Variants in DCC observed in about 807,000 individuals in gnomAD.
DCC encodes DCC netrin 1 receptor.
In DCC, 58 loss-of-function variants were observed where a neutral mutation model predicts 172.5. The observed-to-expected ratio is 0.34, with a 90% confidence interval of 0.27 to 0.42. The LOEUF is 0.42. DCC is among the 10% of genes least tolerant of loss of function. DCC has a pLI of 1.00. For synonymous variants in DCC, 709 were observed against 644.5 expected (o/e 1.10, Z -1.52); for missense variants, 1,740 against 1,791.0 (o/e 0.97, Z 0.51).
chr18:52,432,931 G>A (rs1275658065), intron 1 of DCC, among the ~76,000 whole-genome samples: 2 of 152,126 alleles, frequency 1.3e-5, no homozygotes, highest in African/African-American at 4.8e-5. Context: ...CCATCTTTCA[G>A]TTTCCCTCTG....
At chr18:53,284,505 A>G (rs1317017385) in intron 12 of DCC, among the ~76,000 whole-genome samples, 1 of 152,020 alleles carries the variant, frequency 6.6e-6, no homozygotes, top group Non-Finnish European at 1.5e-5. Context: ...CGTGCCTTTC[A>G]CCTTCTGCCA....
chr18:52,773,656 A>T (rs2145170436), intron 2 of DCC, among the ~76,000 whole-genome samples: 1 of 152,172 alleles, frequency 6.6e-6, no homozygotes, highest in East Asian at 1.9e-4. Flanking sequence ...CCTCCTGAGT[A>T]GCTAGGATTA....
chr18:53,198,269 A>G (rs982477010), intron 9 of DCC, among the ~76,000 whole-genome samples: 1 of 152,170 alleles, frequency 6.6e-6, no homozygotes, highest in Non-Finnish European at 1.5e-5. Context: ...CCTACTCCTC[A>G]AAAAATATAC....
At chr18:52,803,221 T>G (rs2145231174) in intron 2 of DCC, among the ~76,000 whole-genome samples, 1 of 152,294 alleles carries the variant, frequency 6.6e-6, no homozygotes, top group East Asian at 1.9e-4. Context: ...CACTAAACAC[T>G]ATGAAAAATA....
chr18:52,525,954 G>A (rs1008109057), intron 1 of DCC, among the ~76,000 whole-genome samples: 2 of 152,092 alleles, frequency 1.3e-5, no homozygotes, highest in African/African-American at 4.8e-5. Flanking sequence ...ACACCCTAAG[G>A]TCCAAATGCA....
At chr18:53,437,665 A>G (rs1180548858) in intron 22 of DCC, among the ~76,000 whole-genome samples, 6 of 150,734 alleles carry the variant, frequency 4.0e-5, no homozygotes. Flanking sequence ...ACCCCAGGCC[A>G]TGCTCCATAA....
Position 53,289,426 on chromosome 18 carries a change from G to A in DCC, c.1912-16152G>A, listed in dbSNP as rs78012864. Reference sequence around the variant, plus strand: ...GCCAGAATTTATTTTCTCAAAAGGGGACTATAGTATGGTGTGTCTATTTAT... The same window carrying A: ...GCCAGAATTTATTTTCTCAAAAGGGAACTATAGTATGGTGTGTCTATTTAT... On this transcript the variant is annotated intron_variant, in intron 12 of 28. Coordinates refer to ENST00000442544, the MANE Select transcript of DCC (RefSeq NM_005215.4). Among the ~76,000 whole-genome samples, 27 of 152,168 alleles carry A rather than the reference G, an allele frequency of 1.8e-4. No homozygotes were observed. In the East Asian group the frequency reaches 5.2e-3, roughly 29 times the overall value.
chr18:52,456,605 G>A (rs1988464845), intron 1 of DCC, among the ~76,000 whole-genome samples: 1 of 152,048 alleles, frequency 6.6e-6, no homozygotes, highest in Admixed American at 6.6e-5. Flanking sequence ...TTTTTAGTAG[G>A]CCCAATGTAT....
At chr18:52,837,137 C>G (rs1477784354) in intron 2 of DCC, among the ~76,000 whole-genome samples, 1 of 152,200 alleles carries the variant, frequency 6.6e-6, no homozygotes, top group East Asian at 1.9e-4. Flanking sequence ...CTGCACACAG[C>G]AGGAGGGGCT....
At chr18:52,604,752 T>A (rs534525819) in intron 1 of DCC, among the ~76,000 whole-genome samples, 1 of 152,278 alleles carries the variant, frequency 6.6e-6, no homozygotes, top group South Asian at 2.1e-4. Context: ...TATGAGGGAA[T>A]GGACAGGGGT....
chr18:52,861,545 T>G (rs1338677823), intron 2 of DCC, among the ~76,000 whole-genome samples: 1 of 152,216 alleles, frequency 6.6e-6, no homozygotes, highest in Non-Finnish European at 1.5e-5. Flanking sequence ...AGGGTAAATA[T>G]TTCAGTTTTG....
chr18:52,852,353 A>T (rs1367640587), intron 2 of DCC, among the ~76,000 whole-genome samples: 2 of 152,162 alleles, frequency 1.3e-5, no homozygotes, highest in African/African-American at 4.8e-5. Flanking sequence ...GGTTTACTTT[A>T]AAAAGATGAG....
intron 1 of DCC, among the ~76,000 whole-genome samples, chr18:52,537,251 G>C (rs974534870): frequency 6.6e-5 from 10 of 152,082 alleles, no homozygotes; most frequent in African/African-American, 2.4e-4. Flanking sequence ...GCAGTAATAA[G>C]TTAACAAATG....
At position 52,849,109 on chromosome 18, in the gene DCC, G is replaced by GTGTT. The variant is rs1163197367; in HGVS notation, c.413-56934_413-56931dup. 2.0e-5 allele frequency among the ~76,000 whole-genome samples: 3 copies of GTGTT among 152,054 alleles called. No homozygotes were observed. In the East Asian group the frequency reaches 5.8e-4, roughly 29 times the overall value. Reference sequence around the variant, plus strand: ...CAACCTACTCTGTGTGTGTGTGTGTGTGTTCGTTCTAGGAGGTATGTAAAC... The same window carrying GTGTT: ...CAACCTACTCTGTGTGTGTGTGTGTGTGTTTGTTCGTTCTAGGAGGTATGTAAAC... On this transcript the variant is annotated intron_variant, in intron 2 of 28. Coordinates refer to ENST00000442544, the MANE Select transcript of DCC (RefSeq NM_005215.4).
intron 1 of DCC, among the ~76,000 whole-genome samples, chr18:52,664,085 T>C (rs771220271): frequency 3.9e-5 from 6 of 152,390 alleles, no homozygotes; most frequent in East Asian, 1.9e-4. Context: ...CAGCAGATAG[T>C]TGCTTTATCA....
intron 12 of DCC, among the ~76,000 whole-genome samples, chr18:53,230,168 G>T (rs1465290025): frequency 6.6e-6 from 1 of 152,042 alleles, no homozygotes; most frequent in Non-Finnish European, 1.5e-5. Flanking sequence ...TGATCATCTT[G>T]CACAACAGTA....
rs981144412 is a variant in DCC at position 52,561,479 on chromosome 18, C to T, written c.92-190575C>T. Among the ~76,000 whole-genome samples the T allele has an allele frequency of 3.3e-5, 5 of 152,052 alleles. No individual in the cohort carries two copies. The South Asian group carries it at 1.0e-3, about 32-fold the overall frequency. On this transcript the variant is annotated intron_variant, in intron 1 of 28. Transcript: ENST00000442544. Reference sequence around the variant, plus strand: ...ACATATATATATATATACATATACACACACACATCTGGCAGTTTTGGAATT... The same window carrying T: ...ACATATATATATATATACATATACATACACACATCTGGCAGTTTTGGAATT...
intron 8 of DCC, among the ~76,000 whole-genome samples, chr18:53,167,123 TA>T (rs2054933832): frequency 6.6e-6 from 1 of 152,110 alleles, no homozygotes; most frequent in South Asian, 2.1e-4. Flanking sequence ...CTGAAGCAAC[TA>T]ATTAGGTGTT....
At chr18:52,782,116 A>G (rs2037556381) in intron 2 of DCC, among the ~76,000 whole-genome samples, 1 of 152,144 alleles carries the variant, frequency 6.6e-6, no homozygotes, top group Non-Finnish European at 1.5e-5. Context: ...CAGTTAATGC[A>G]TTTTCAGAGC....
Sources: allele counts gnomAD v4.1 joint callset (sites outside exome capture counted in the v4.1 genomes callset), GRCh38; gene constraint gnomAD v4.1.1; transcripts MANE v1.5; gene names NCBI Gene and HGNC (gene_info 2026-07-23, HGNC 2026-07-21).